Variants in CYP1B1 observed in about 807,000 individuals in gnomAD.
CYP1B1 encodes cytochrome P450 family 1 subfamily B member 1.
In CYP1B1, 22 loss-of-function variants were observed where a neutral mutation model predicts 29.9. The ratio of observed to expected loss-of-function variants is 0.74; its 90% CI spans 0.53 to 1.05. The LOEUF is 1.05. CYP1B1 is among the 50% of genes least tolerant of loss of function. The probability of loss-of-function intolerance (pLI) is 0.00; values close to 1 mark genes in which losing one functional copy is unlikely to be tolerated. For synonymous variants in CYP1B1, 375 were observed against 320.0 expected, an observed-to-expected ratio of 1.17 and a Z score of -1.83; for missense variants, 883 against 746.9, an observed-to-expected ratio of 1.18 and a Z score of -2.12.
At position 38,075,279 on chromosome 2, in the gene CYP1B1, T is replaced by C. The variant is rs760595674; in HGVS notation, c.110A>G (p.Gln37Arg). 6.2e-7 allele frequency: 1 copy of C among 1,607,898 alleles called. No individual in the cohort carries two copies. The highest frequency in any genetic ancestry group is 8.5e-7 in the Non-Finnish European group (1 of 1,178,646). ...LSVLATVHVGQRLLRQRRRQL... is the reference protein window; with the variant it reads ...LSVLATVHVGRRLLRQRRRQL... Reference sequence around the variant, plus strand: ...CCGCCTCCGTTGCCTCAGCAGCCGCTGGCCCACATGCACAGTGGCCAGCAC... The same window carrying C: ...CCGCCTCCGTTGCCTCAGCAGCCGCCGGCCCACATGCACAGTGGCCAGCAC... Residue 37 changes from glutamine (Q) to arginine (R), a missense_variant, in exon 2 of 3, where the codon CAG (glutamine) becomes CGG (arginine). By Grantham distance (43) the Gln-to-Arg change is conservative. Transcript: ENST00000610745.
rs983212249 is a variant in CYP1B1 at position 38,068,733 on chromosome 2, C to A, written c.*1989G>T. The A allele has an allele frequency of 4.5e-6, 1 of 223,700 alleles. No individual in the cohort carries two copies. Among genetic ancestry groups the A allele is most frequent in the African/African-American group, 2.2e-5 (1 of 44,790 alleles). The allele number at this position is 223,700 out of a possible 1,614,324, so 13.9% of individuals were successfully genotyped here. A position where few individuals can be genotyped will look rare whatever the true frequency, so the allele number is the denominator to read the frequency against. ...TAATATTCCAAACCACAAAACAGATCTGCTATGTTGTAGACTTTTTTAATA... is the reference window on the plus strand; with the variant it reads ...TAATATTCCAAACCACAAAACAGATATGCTATGTTGTAGACTTTTTTAATA... On this transcript the variant is annotated 3_prime_UTR_variant, in exon 3 of 3. Coordinates refer to ENST00000610745, the MANE Select transcript of CYP1B1 (RefSeq NM_000104.4).
rs756534145 is a variant in CYP1B1, at chr2:38,075,337, T to C, written c.52A>G (p.Ile18Val). The C allele has an allele frequency of 1.9e-6, 3 of 1,613,196 alleles. No homozygotes were observed. Among genetic ancestry groups the C allele is most frequent in the Admixed American group, 3.3e-5 (2 of 59,996 alleles). ...AGTAGCAGGAGCGTGGTCTGCTGGA[T>C]GGACAGCGGGTTTAGCGGCCAAGGG... is the stretch of plus-strand genomic sequence containing the variant. ...NDPWPLNPLS[I>V]QQTTLLLLLS... Residue 18 changes from isoleucine (I) to valine (V), a missense_variant, in exon 2 of 3, where the codon ATC becomes GTC. By Grantham distance (29) the Ile-to-Val change is conservative. Coordinates refer to ENST00000610745, the MANE Select transcript of CYP1B1 (RefSeq NM_000104.4).
chr2:38,074,451 G>C lies in CYP1B1; in HGVS notation c.938C>G (p.Ala313Gly), dbSNP rs368794893. The stretch of plus-strand genomic sequence containing the variant: ...CGGTACGTTCTCCAAATCCAGCCGC[G>C]CGCCACCACCGTGCGAGTCCCCGGC... Reference protein sequence around the residue: ...KAAGDSHGGGARLDLENVPAT... With the variant: ...KAAGDSHGGGGRLDLENVPAT... The change falls in exon 2 of 3, where the codon GCG (alanine) becomes GGG (glycine). Residue 313 changes from alanine to glycine, a missense_variant. Coordinates refer to ENST00000610745, the MANE Select transcript of CYP1B1 (RefSeq NM_000104.4). 6.2e-7 allele frequency: 1 copy of C among 1,613,152 alleles called. No individual in the cohort carries two copies. The highest frequency in any genetic ancestry group is 1.7e-5 in the Admixed American group (1 of 59,964).
rs759095917 is a variant in CYP1B1 at position 38,074,655 on chromosome 2, G to A, written c.734C>T (p.Pro245Leu). The change falls in exon 2 of 3, where the codon CCC becomes CTC. Residue 245 changes from proline (P) to leucine (L), a missense_variant. Coordinates refer to ENST00000610745, the MANE Select transcript of CYP1B1 (RefSeq NM_000104.4). ...CGGGTTGGGGAAGTACTGCAGCCAGGGCATCACGTCCACCAGGCTGCCCGC... is the reference window on the plus strand; with the variant it reads ...CGGGTTGGGGAAGTACTGCAGCCAGAGCATCACGTCCACCAGGCTGCCCGC... ...VGAGSLVDVM[P>L]WLQYFPNPVR... 1 of 1,613,392 alleles carries A rather than the reference G, an allele frequency of 6.2e-7. No homozygotes were observed. The highest frequency in any genetic ancestry group is 8.5e-7 in the Non-Finnish European group (1 of 1,180,020).
chr2:38,075,174 A>G lies in CYP1B1; in HGVS notation c.215T>C (p.Leu72Pro). The stretch of plus-strand genomic sequence containing the variant: ...GCGCCGCGCCAGGCGAGCGAACGAG[A>G]GGTGAGCCGCCTGGCCCACCGCCGC... ...NAAAVGQAAHLSFARLARRYG... is the reference protein window; with the variant it reads ...NAAAVGQAAHPSFARLARRYG... Residue 72 changes from leucine (L) to proline (P), a missense_variant, in exon 2 of 3, where the codon CTC (leucine) becomes CCC (proline). Coordinates refer to ENST00000610745, the MANE Select transcript of CYP1B1 (RefSeq NM_000104.4). 6.4e-7 allele frequency: 1 copy of G among 1,569,756 alleles called. No homozygotes were observed.
rs753257128 is a variant in CYP1B1, at chr2:38,075,378, C to G, written c.11G>C (p.Ser4Thr). 2 of 1,612,690 alleles carry G rather than the reference C, an allele frequency of 1.2e-6. No homozygotes were observed. The highest frequency in any genetic ancestry group is 2.2e-5 in the East Asian group (1 of 44,870). The change falls in exon 2 of 3, where the codon AGC becomes ACC. Residue 4 changes from serine (S) to threonine (T), a missense_variant. Physicochemically the swap from Ser to Thr is moderately conservative, Grantham distance 58. Coordinates refer to ENST00000610745, the MANE Select transcript of CYP1B1 (RefSeq NM_000104.4). ...CGGCCAAGGGTCGTTCGGGCTGAGG[C>G]TGGTGCCCATGCTGGGGACAGAGAG... MGTSLSPNDPWPLN... is the reference protein window; with the variant it reads MGTTLSPNDPWPLN...
chr2:38,069,231 C>A lies in CYP1B1; in HGVS notation c.*1491G>T, dbSNP rs562799717. 18 of 224,424 alleles carry A rather than the reference C, an allele frequency of 8.0e-5. No individual in the cohort carries two copies. The East Asian group carries it at 1.1e-3, about 14-fold the overall frequency. 13.9% of individuals were successfully genotyped at this position (224,424 alleles called of 1,614,324 possible). On this transcript the variant is annotated 3_prime_UTR_variant, in exon 3 of 3. Transcript: ENST00000610745. ...TTCCAAGACTATCTTCTGATTCTGACTTTCCAAAAAGCAGGCATTAATGTT... is the reference window on the plus strand; with the variant it reads ...TTCCAAGACTATCTTCTGATTCTGAATTTCCAAAAAGCAGGCATTAATGTT...
chr2:38,070,643 G>A lies in CYP1B1; in HGVS notation c.*79C>T. 3.2e-6 allele frequency: 4 copies of A among 1,248,572 alleles called. No individual in the cohort carries two copies. Among genetic ancestry groups the A allele is most frequent in the South Asian group, 2.4e-5 (2 of 82,102 alleles). The allele number at this position is 1,248,572 out of a possible 1,614,324, so 77.3% of individuals were successfully genotyped here. A position where few individuals can be genotyped will look rare whatever the true frequency, so the allele number is the denominator to read the frequency against. ...CTAATTGAGAAGCAGCACAAAAGAG[G>A]AACTGGAAAAAAACTGAATTTTACT... is the stretch of plus-strand genomic sequence containing the variant. On this transcript the variant is annotated 3_prime_UTR_variant, in exon 3 of 3. Transcript: ENST00000610745.
rs1233072127 is a variant in CYP1B1, at chr2:38,071,275, A to G, written c.1079T>C (p.Leu360Ser). ...PDVQTRVQAE[L>S]DQVVGRDRLP... ...ACGGTCCCTCCCCACGACCTGATCC[A>G]ATTCTGCCTGCACTCGAGTCTGCAC... Residue 360 changes from leucine to serine, a missense_variant, in exon 3 of 3, where the codon TTG becomes TCG. Coordinates refer to ENST00000610745, the MANE Select transcript of CYP1B1 (RefSeq NM_000104.4). 1 of 1,613,058 alleles carries G rather than the reference A, an allele frequency of 6.2e-7. No homozygotes were observed. Among genetic ancestry groups the G allele is most frequent in the East Asian group, 2.2e-5 (1 of 44,888 alleles).
At chr2:38,074,314 A>G in intron 2 of CYP1B1, 32 bp downstream of exon 2, 5 of 1,608,922 alleles carry the variant, frequency 3.1e-6, no homozygotes, top group Non-Finnish European at 4.2e-6. Context: ...CAGAGGAGAA[A>G]AGACCTGGCC....
intron 2 of CYP1B1, among the ~76,000 whole-genome samples, chr2:38,072,582 A>G (rs1682451760): frequency 6.6e-6 from 1 of 152,120 alleles, no homozygotes; most frequent in Non-Finnish European, 1.5e-5. Flanking sequence ...ATTGTTTGCA[A>G]CTCCGAAAAA....
In CYP1B1 at chr2:38,068,865, T is replaced by G. The variant is rs1292238053; in HGVS notation, c.*1857A>C. ...TAATTCAGAATGAGTGGGAAAATGT[T>G]TAACCATCTTTCCTTCTTTTCAGTG... On this transcript the variant is annotated 3_prime_UTR_variant, in exon 3 of 3. Coordinates refer to ENST00000610745, the MANE Select transcript of CYP1B1 (RefSeq NM_000104.4). 1.3e-5 allele frequency: 3 copies of G among 227,654 alleles called. No homozygotes were observed. Among genetic ancestry groups the G allele is most frequent in the African/African-American group, 4.4e-5 (2 of 45,084 alleles). The allele number at this position is 227,654 out of a possible 1,614,324, so 14.1% of individuals were successfully genotyped here.
chr2:38,075,709 C>A, intron 1 of CYP1B1, 71 bp downstream of exon 1: 1 of 459,472 alleles, frequency 2.2e-6, no homozygotes, highest in Non-Finnish European at 4.0e-6. Context: ...AAAGTACCTA[C>A]CACGCCACCC....
rs1029127097 is a variant in CYP1B1 at position 38,068,602 on chromosome 2, C to G, written c.*2120G>C. ...AAAAAATTTAAATGTACTGGGCAAG[C>G]CTGCTTTGTGTAGTTGACTCTAATG... On this transcript the variant is annotated 3_prime_UTR_variant, in exon 3 of 3. Transcript: ENST00000610745. 10 of 227,864 alleles carry G rather than the reference C, an allele frequency of 4.4e-5. No individual in the cohort carries two copies. In the Admixed American group the frequency reaches 5.1e-4, roughly 12 times the overall value. 14.1% of individuals were successfully genotyped at this position (227,864 alleles called of 1,614,324 possible). A position where few individuals can be genotyped will look rare whatever the true frequency, so the allele number is the denominator to read the frequency against.
intron 2 of CYP1B1, among the ~76,000 whole-genome samples, chr2:38,072,605 G>C (rs953577508): frequency 3.3e-5 from 5 of 152,176 alleles, no homozygotes; most frequent in Non-Finnish European, 7.3e-5. Context: ...ATGTATACAC[G>C]TATGTGATGA....
At position 38,071,082 on chromosome 2, in the gene CYP1B1, C is replaced by A; in HGVS notation, c.1272G>T (p.Gln424His). 1 of 1,612,858 alleles carries A rather than the reference C, an allele frequency of 6.2e-7. No individual in the cohort carries two copies. The highest frequency in any genetic ancestry group is 1.3e-5 in the African/African-American group (1 of 75,006). The part of the protein sequence containing the change: ...IPKDTVVFVN[Q>H]WSVNHDPLKW... ...TCAGTGGGTCATGATTCACAGACCA[C>A]TGGTTGACAAAAACCACAGTGTCCT... is the stretch of plus-strand genomic sequence containing the variant. The change falls in exon 3 of 3, where the codon CAG (glutamine) becomes CAT (histidine). Residue 424 changes from glutamine to histidine, a missense_variant. Transcript: ENST00000610745.
Position 38,070,469 on chromosome 2 carries a change from G to A in CYP1B1, c.*253C>T. 1 of 526,934 alleles carries A rather than the reference G, an allele frequency of 1.9e-6. No homozygotes were observed. Among genetic ancestry groups the A allele is most frequent in the Non-Finnish European group, 3.4e-6 (1 of 293,794 alleles). The allele number at this position is 526,934 out of a possible 1,614,324, so 32.6% of individuals were successfully genotyped here. On this transcript the variant is annotated 3_prime_UTR_variant, in exon 3 of 3. Coordinates refer to ENST00000610745, the MANE Select transcript of CYP1B1 (RefSeq NM_000104.4). ...TACCTTCAGAAATAACCAAGATGCA[G>A]TATGTATATAATAATTCATTGGGCC...
chr2:38,074,916 C>G lies in CYP1B1; in HGVS notation c.473G>C (p.Arg158Pro). ...AHSMMRNFFT[R>P]QPRSRQVLEG... ...GAGGACTTGGCGGCTGCGCGGCTGG[C>G]GCGTGAAGAAGTTGCGCATCATGCT... The change falls in exon 2 of 3, where the codon CGC becomes CCC. Residue 158 changes from arginine (R) to proline (P), a missense_variant. Arg to Pro is a moderately radical substitution (Grantham distance 103). Coordinates refer to ENST00000610745, the MANE Select transcript of CYP1B1 (RefSeq NM_000104.4). 1.3e-6 allele frequency: 2 copies of G among 1,556,340 alleles called. No individual in the cohort carries two copies. Among genetic ancestry groups the G allele is most frequent in the Non-Finnish European group, 1.7e-6 (2 of 1,156,380 alleles).
In CYP1B1 at chr2:38,071,307, A is replaced by G. The variant is rs775908245; in HGVS notation, c.1047T>C (p.Tyr349=). 2.4e-5 allele frequency: 38 copies of G among 1,612,998 alleles called. 1 individual carries two copies. Among genetic ancestry groups the G allele is most frequent in the Admixed American group, 1.3e-4 (8 of 60,022 alleles). Residue 349 remains tyrosine (Y), a synonymous_variant, in exon 3 of 3, where the codon TAT becomes TAC. Coordinates refer to ENST00000610745, the MANE Select transcript of CYP1B1 (RefSeq NM_000104.4). ...LQWLLLLFTR[Y]PDVQTRVQAE... Reference sequence around the variant, plus strand: ...CCTGCACTCGAGTCTGCACATCAGGATACCTGTTTGGTGTTTAATGTGGAG... The same window carrying G: ...CCTGCACTCGAGTCTGCACATCAGGGTACCTGTTTGGTGTTTAATGTGGAG...
Sources: allele counts gnomAD v4.1 joint callset (sites outside exome capture counted in the v4.1 genomes callset), GRCh38; gene constraint gnomAD v4.1.1; transcripts MANE v1.5; gene names NCBI Gene and HGNC (gene_info 2026-07-23, HGNC 2026-07-21).